IVD: variants seen among roughly 807,000 people sequenced by gnomAD.
IVD encodes isovaleryl-CoA dehydrogenase, mitochondrial.
In IVD, 31 loss-of-function variants were observed where a neutral mutation model predicts 51.3. The ratio of observed to expected loss-of-function variants is 0.60; its 90% CI spans 0.45 to 0.81. The LOEUF is 0.81. Ranked by LOEUF, IVD falls within the 40% of genes least tolerant of loss-of-function variation. The pLI is 0.00. For missense variants in IVD, 475 were observed against 552.0 expected (o/e 0.86, Z 1.40); for synonymous variants, 205 against 219.4 (o/e 0.93, Z 0.58).
rs773816252 is a variant in IVD, at chr15:40,405,849, C to A, written c.22C>A (p.Leu8Met). 6.2e-7 allele frequency: 1 copy of A among 1,612,412 alleles called. No homozygotes were observed. Among genetic ancestry groups the A allele is most frequent in the African/African-American group, 1.3e-5 (1 of 74,904 alleles). Residue 8 changes from leucine (L) to methionine (M), a missense_variant, in exon 1 of 12, where the codon CTG becomes ATG. Leu to Met is a conservative substitution (Grantham distance 15, BLOSUM62 2). Coordinates refer to ENST00000487418, the MANE Select transcript of IVD (RefSeq NM_002225.5). MATATRL[L>M]GWRVASWRLR... ...AGAGATGGCGACTGCGACTCGGCTG[C>A]TGGGGTGGCGTGTGGCGAGCTGGAG...
downstream of IVD, among the ~76,000 whole-genome samples, chr15:40,421,929 G>A (rs1045993906): frequency 2.0e-5 from 3 of 152,162 alleles, no homozygotes; most frequent in Non-Finnish European, 4.4e-5. Flanking sequence ...CCCAGTCCCT[G>A]CCTGCCGGGT....
Position 40,420,624 on chromosome 15 carries a change from C to G in IVD, c.*2361C>G, listed in dbSNP as rs1006357556. ...TCTCAGCCTCCCTTTCCCAGATCTCCCAGTGAGTTTTAAAGGAAGCAGGGA... is the reference window on the plus strand; with the variant it reads ...TCTCAGCCTCCCTTTCCCAGATCTCGCAGTGAGTTTTAAAGGAAGCAGGGA... On this transcript the variant is annotated 3_prime_UTR_variant, in exon 12 of 12. Transcript: ENST00000487418. 3.0e-5 allele frequency: 30 copies of G among 987,554 alleles called. No homozygotes were observed. Among genetic ancestry groups the G allele is most frequent in the Non-Finnish European group, 3.6e-5 (30 of 830,116 alleles). The allele number at this position is 987,554 out of a possible 1,614,324, so 61.2% of individuals were successfully genotyped here.
Position 40,406,248 on chromosome 15 carries a change from G to C in IVD, c.144+277G>C, listed in dbSNP as rs981783086. 46 of 1,481,888 alleles carry C rather than the reference G, an allele frequency of 3.1e-5. No individual in the cohort carries two copies. In the Admixed American group the frequency reaches 7.5e-4, roughly 24 times the overall value. The allele number at this position is 1,481,888 out of a possible 1,614,324, so 91.8% of individuals were successfully genotyped here. On this transcript the variant is annotated intron_variant, in intron 1 of 11. Transcript: ENST00000487418. ...GAGTCGAGGCTGGGAGAGCTCCTGA[G>C]AGACTGATGGTGTTTTGGTGGAGGA...
chr15:40,406,413 T>A, intron 1 of IVD: 1 of 1,169,558 alleles, frequency 8.6e-7, no homozygotes. Flanking sequence ...TATAAACAGT[T>A]TGGGGGTTTT....
Position 40,421,299 on chromosome 15 carries a change from AC to A in IVD, c.*3037del. On this transcript the variant is annotated 3_prime_UTR_variant, in exon 12 of 12. Coordinates refer to ENST00000487418, the MANE Select transcript of IVD (RefSeq NM_002225.5). Reference sequence around the variant, plus strand: ...TGTTTTAAAATTAAAAGCAAAAAAAACAAAATGAACCATGCAGCCTGAGTGG... The same window carrying A: ...TGTTTTAAAATTAAAAGCAAAAAAAAAAAATGAACCATGCAGCCTGAGTGG... The A allele has an allele frequency of 1.0e-6, 1 of 965,186 alleles. No homozygotes were observed. Among genetic ancestry groups the A allele is most frequent in the Non-Finnish European group, 1.2e-6 (1 of 812,568 alleles). The allele number at this position is 965,186 out of a possible 1,614,324, so 59.8% of individuals were successfully genotyped here. A position where few individuals can be genotyped will look rare whatever the true frequency, so the allele number is the denominator to read the frequency against.
intron 1 of IVD, 161 bp downstream of exon 1, chr15:40,406,132 CGACCTCGGGTCCAGTCCTCT>C: frequency 6.5e-7 from 1 of 1,537,740 alleles, no homozygotes; most frequent in African/African-American, 1.4e-5. Flanking sequence ...GCGGGGCCTC[CGACCTCGGGTCCAGTCCTCT>C]GACCTCGGCC....
rs368709470 is a variant in IVD at position 40,420,886 on chromosome 15, C to T, written c.*2623C>T. Reference sequence around the variant, plus strand: ...GGAATGGGTCTGGGTTGTTCCACCCCTTCCGAGTTCCAAAAAGAGGGAACT... The same window carrying T: ...GGAATGGGTCTGGGTTGTTCCACCCTTTCCGAGTTCCAAAAAGAGGGAACT... On this transcript the variant is annotated 3_prime_UTR_variant, in exon 12 of 12. Coordinates refer to ENST00000487418, the MANE Select transcript of IVD (RefSeq NM_002225.5). 1 of 985,458 alleles carries T rather than the reference C, an allele frequency of 1.0e-6. No homozygotes were observed. The highest frequency in any genetic ancestry group is 1.7e-5 in the African/African-American group (1 of 57,244). 61.0% of individuals were successfully genotyped at this position (985,458 alleles called of 1,614,324 possible). A position where few individuals can be genotyped will look rare whatever the true frequency, so the allele number is the denominator to read the frequency against.
chr15:40,428,250 G>C (rs370830318), downstream of IVD, among the ~76,000 whole-genome samples: 4 of 151,616 alleles, frequency 2.6e-5, no homozygotes, highest in East Asian at 5.8e-4. Context: ...CTGCTTGAGA[G>C]AGCTGAGATC....
At chr15:40,412,881 G>C (rs764384958) in intron 6 of IVD, 110 bp from the exon 7 acceptor site, 19 of 812,980 alleles carry the variant, frequency 2.3e-5, no homozygotes, top group Non-Finnish European at 3.8e-5. Flanking sequence ...ATGCTGTGCA[G>C]GTACAGGGAC....
In IVD at chr15:40,420,992, GGCTTGAGACAGGTGGGGTT is replaced by G. The variant is rs1892248539; in HGVS notation, c.*2731_*2749del. 1.0e-6 allele frequency: 1 copy of G among 985,374 alleles called. No individual in the cohort carries two copies. The highest frequency in any genetic ancestry group is 1.7e-5 in the African/African-American group (1 of 57,236). 61.0% of individuals were successfully genotyped at this position (985,374 alleles called of 1,614,324 possible). ...CAGCCAAGTGCTGTTCCTAGCCTGA[GGCTTGAGACAGGTGGGGTT>G]GGCTCCTCACCAACCCCAGTTCCGT... On this transcript the variant is annotated 3_prime_UTR_variant, in exon 12 of 12. Transcript: ENST00000487418.
Position 40,421,070 on chromosome 15 carries a change from C to T in IVD, c.*2807C>T, listed in dbSNP as rs1423394347. The T allele has an allele frequency of 3.0e-6, 3 of 985,316 alleles. No homozygotes were observed. The allele number at this position is 985,316 out of a possible 1,614,324, so 61.0% of individuals were successfully genotyped here. A position where few individuals can be genotyped will look rare whatever the true frequency, so the allele number is the denominator to read the frequency against. On this transcript the variant is annotated 3_prime_UTR_variant, in exon 12 of 12. Transcript: ENST00000487418. ...GAGGGCAAGATCCTGGGCTCATAGG[C>T]AGTCCCTTTCACTTCCTTGTCTTGC... is the stretch of plus-strand genomic sequence containing the variant.
intron 11 of IVD, among the ~76,000 whole-genome samples, chr15:40,417,614 T>C (rs1159545144): frequency 6.6e-6 from 1 of 152,342 alleles, no homozygotes; most frequent in East Asian, 1.9e-4. Flanking sequence ...CTGTCATGTT[T>C]GGTACGTGAA....
chr15:40,417,656 T>C (rs910403064), intron 11 of IVD, among the ~76,000 whole-genome samples: 3 of 152,240 alleles, frequency 2.0e-5, no homozygotes, highest in Non-Finnish European at 2.9e-5. Flanking sequence ...CTATGCTATG[T>C]GGGCTACCTG....
At position 40,418,658 on chromosome 15, in the gene IVD, G is replaced by A. The variant is rs1891979763; in HGVS notation, c.*395G>A. On this transcript the variant is annotated 3_prime_UTR_variant, in exon 12 of 12. Coordinates refer to ENST00000487418, the MANE Select transcript of IVD (RefSeq NM_002225.5). ...GCAGGTACCCACCTCTTTCTCTTGGGTGAGGCTCTGGCAAGGAGATCTCTC... is the reference window on the plus strand; with the variant it reads ...GCAGGTACCCACCTCTTTCTCTTGGATGAGGCTCTGGCAAGGAGATCTCTC... 8.7e-7 allele frequency: 1 copy of A among 1,147,802 alleles called. No homozygotes were observed. The highest frequency in any genetic ancestry group is 1.9e-5 in the South Asian group (1 of 52,418). The allele number at this position is 1,147,802 out of a possible 1,614,324, so 71.1% of individuals were successfully genotyped here.
At position 40,418,965 on chromosome 15, in the gene IVD, T is replaced by C; in HGVS notation, c.*702T>C. On this transcript the variant is annotated 3_prime_UTR_variant, in exon 12 of 12. Coordinates refer to ENST00000487418, the MANE Select transcript of IVD (RefSeq NM_002225.5). ...CTGGCCAACATGTGGAAACCTCGCC[T>C]CAACTAAAAATAGAAAAAAATTAGT... The C allele has an allele frequency of 2.0e-6, 1 of 489,246 alleles. No homozygotes were observed. The highest frequency in any genetic ancestry group is 7.1e-5 in the East Asian group (1 of 14,132). The allele number at this position is 489,246 out of a possible 1,614,324, so 30.3% of individuals were successfully genotyped here.
intron 3 of IVD, among the ~76,000 whole-genome samples, chr15:40,410,174 A>G (rs934606618): frequency 6.6e-6 from 1 of 151,556 alleles, no homozygotes; most frequent in African/African-American, 2.4e-5. Flanking sequence ...ATGCTATAAA[A>G]TCTCACCTTC....
chr15:40,419,300 CAGG>C lies in IVD; in HGVS notation c.*1040_*1042del. On this transcript the variant is annotated 3_prime_UTR_variant, in exon 12 of 12. Coordinates refer to ENST00000487418, the MANE Select transcript of IVD (RefSeq NM_002225.5). Reference sequence around the variant, plus strand: ...CCAAGGCAGGTGGATCACTTGCAGTCAGGAGTTCAAGACCAGCCTGTCCAACGT... The same window carrying C: ...CCAAGGCAGGTGGATCACTTGCAGTCAGTTCAAGACCAGCCTGTCCAACGT... The C allele has an allele frequency of 1.8e-6, 2 of 1,136,412 alleles. No individual in the cohort carries two copies. The highest frequency in any genetic ancestry group is 2.3e-6 in the Non-Finnish European group (2 of 851,704). The allele number at this position is 1,136,412 out of a possible 1,614,324, so 70.4% of individuals were successfully genotyped here.
chr15:40,411,431 G>A (rs1891073233), intron 5 of IVD, 78 bp downstream of exon 5: 1 of 1,593,518 alleles, frequency 6.3e-7, no homozygotes, highest in Admixed American at 1.7e-5. Context: ...ACAATTGTGG[G>A]TGGCCCCTGC....
At chr15:40,411,786 G>A (rs1437878649) in intron 6 of IVD, 95 bp downstream of exon 6, 5 of 1,459,492 alleles carry the variant, frequency 3.4e-6, no homozygotes, top group South Asian at 1.2e-5. Context: ...AATCAGTGTT[G>A]TGTGCTCTGC....
Sources: gnomAD v4.1 joint callset for allele counts (sites outside exome capture counted in the v4.1 genomes callset) on GRCh38, gnomAD v4.1.1 for gene constraint, MANE v1.5 for transcripts, NCBI Gene and HGNC (gene_info 2026-07-23, HGNC 2026-07-21) for gene names.